The following LAMA1 variants were observed in gnomAD, a reference collection of about 807,000 sequenced individuals.
LAMA1 encodes laminin subunit alpha 1, also known as laminin subunit alpha-1.
Under a neutral mutation model 348.7 loss-of-function variants are expected in LAMA1, and 219 were observed. That is an observed-to-expected ratio of 0.63 (90% CI 0.56 to 0.70). The LOEUF (loss-of-function observed/expected upper bound fraction) is 0.70. LAMA1 is among the 30% of genes least tolerant of loss of function. The probability of loss-of-function intolerance (pLI) is 0.00; values close to 1 mark genes in which losing one functional copy is unlikely to be tolerated. For synonymous variants in LAMA1, 1,487 were observed against 1,491.0 expected, an observed-to-expected ratio of 1.00 and a Z score of 0.06; for missense variants, 3,744 against 3,888.0, an observed-to-expected ratio of 0.96 and a Z score of 0.99.
intron 57 of LAMA1, 43 bp from the exon 58 acceptor site, chr18:6,951,014 C>CT: frequency 6.4e-7 from 1 of 1,572,322 alleles, no homozygotes. Context: ...GAAACTTTTA[C>CT]TTTTCATTTT....
In LAMA1 at chr18:7,040,086, C is replaced by T. The variant is rs759154609; in HGVS notation, c.1412G>A (p.Cys471Tyr). The T allele has an allele frequency of 1.2e-6, 2 of 1,614,114 alleles. No homozygotes were observed. Among genetic ancestry groups the T allele is most frequent in the South Asian group, 2.2e-5 (2 of 91,074 alleles). ...SASDEPCTGP[C>Y]VCKENVEGKA... ...GACCTCCCCACTTACCTTACAAACA[C>T]AGGGCCCTGTGCAGGGCTCATCACT... The change falls in exon 10 of 63, where the codon TGT (cysteine) becomes TAT (tyrosine). Residue 471 changes from cysteine (C) to tyrosine (Y), a missense_variant. Around this residue, in one of 3 missense-constraint regions of LAMA1, gnomAD observed 1,529 missense variants for 1,689.4 expected, o/e 0.91. Coordinates refer to ENST00000389658, the MANE Select transcript of LAMA1 (RefSeq NM_005559.4).
rs1447754087 is a variant in LAMA1 at position 6,948,073 on chromosome 18, C to T, written c.8710+330G>A. ...CAGCTGGTCTAGACATTTTATGCTG[C>T]TGATTTTTAATTCAAAGCCCTTTCT... On this transcript the variant is annotated intron_variant, in intron 60 of 62. Transcript: ENST00000389658. Among the ~76,000 whole-genome samples, 49 of 152,178 alleles carry T rather than the reference C, an allele frequency of 3.2e-4. 1 individual carries two copies. Among genetic ancestry groups the T allele is most frequent in the Admixed American group, 3.1e-3 (48 of 15,268 alleles).
At position 6,997,771 on chromosome 18, in the gene LAMA1, T is replaced by C. The variant is rs758383521; in HGVS notation, c.4777A>G (p.Asn1593Asp). 1.9e-6 allele frequency: 3 copies of C among 1,614,092 alleles called. No individual in the cohort carries two copies. Among genetic ancestry groups the C allele is most frequent in the Non-Finnish European group, 2.5e-6 (3 of 1,179,954 alleles). ...IIPVPYGILS[N>D]LENTTKYLQE... ...AGATATTTAGTTGTATTTTCCAGGT[T>C]TGACAAAATTCCATATGGGACAGGG... The change falls in exon 33 of 63, where the codon AAC (asparagine) becomes GAC (aspartate). Residue 1593 changes from asparagine (N) to aspartate (D), a missense_variant. Physicochemically the swap from Asn to Asp is conservative, Grantham distance 23. This residue lies in a region of LAMA1 where 1,983 missense variants were observed against 1,934.3 expected (regional missense o/e 1.03). Transcript: ENST00000389658.
chr18:6,978,442 G>T, intron 42 of LAMA1, 64 bp from the exon 43 acceptor site: 1 of 1,381,308 alleles, frequency 7.2e-7, no homozygotes, highest in Non-Finnish European at 1.0e-6. Flanking sequence ...AGAATAAAAC[G>T]ACAACAAATG....
chr18:6,959,337 G>A lies in LAMA1; in HGVS notation c.7778+4C>T, dbSNP rs1254378684. The A allele has an allele frequency of 2.5e-6, 4 of 1,614,070 alleles. No homozygotes were observed. Among genetic ancestry groups the A allele is most frequent in the East Asian group, 2.2e-5 (1 of 44,860 alleles). On this transcript the variant is annotated splice_donor_region_variant and intron_variant, in intron 54 of 62. Transcript: ENST00000389658. ...TTACACACTGCCTGGCCGCGTGCAA[G>A]TACCTCCGATTCCTGACCAAGGAGA...
intron 3 of LAMA1, among the ~76,000 whole-genome samples, chr18:7,054,068 G>A (rs1026632066): frequency 6.6e-6 from 1 of 152,072 alleles, no homozygotes; most frequent in Non-Finnish European, 1.5e-5. Context: ...ACCATGCCTG[G>A]CCAGATAATC....
intron 44 of LAMA1, among the ~76,000 whole-genome samples, chr18:6,977,113 C>T (rs1478767498): frequency 6.6e-6 from 1 of 152,216 alleles, no homozygotes; most frequent in African/African-American, 2.4e-5. Flanking sequence ...CACATGACGA[C>T]TGCACATTCT....
chr18:6,946,402 G>C (rs373746974), intron 61 of LAMA1, among the ~76,000 whole-genome samples: 1 of 152,146 alleles, frequency 6.6e-6, no homozygotes, highest in Non-Finnish European at 1.5e-5. Context: ...TATTAAGGGG[G>C]AGCCTTGTAG....
intron 1 of LAMA1, among the ~76,000 whole-genome samples, chr18:7,115,818 A>AAAAAAAAAAAAAT (rs2058353653): frequency 6.9e-6 from 1 of 145,668 alleles, no homozygotes; most frequent in Admixed American, 7.0e-5. Flanking sequence ...AAAATACAAA[A>AAAAAAAAAAAAAT]AAAAAAAAAA....
intron 61 of LAMA1, among the ~76,000 whole-genome samples, chr18:6,946,456 A>G (rs1201763388): frequency 6.6e-6 from 1 of 151,984 alleles, no homozygotes; most frequent in Non-Finnish European, 1.5e-5. Context: ...AAAAATGCAT[A>G]ATGTTTGTAA....
chr18:7,098,924 G>C (rs1485592201), intron 1 of LAMA1, among the ~76,000 whole-genome samples: 2 of 151,896 alleles, frequency 1.3e-5, no homozygotes, highest in East Asian at 3.9e-4. Context: ...CTACTGGGAA[G>C]TGAGGAGCCC....
chr18:6,983,789 G>T (rs981063581), intron 39 of LAMA1, among the ~76,000 whole-genome samples: 2 of 152,158 alleles, frequency 1.3e-5, no homozygotes, highest in Admixed American at 1.3e-4. Context: ...TTAGGAACTT[G>T]GTAACTGGTA....
chr18:7,033,312 C>T (rs937336798), intron 14 of LAMA1, among the ~76,000 whole-genome samples: 4 of 151,918 alleles, frequency 2.6e-5, no homozygotes, highest in Non-Finnish European at 5.9e-5. Context: ...CAAAATTAGC[C>T]GGGCGTGGTG....
intron 3 of LAMA1, among the ~76,000 whole-genome samples, chr18:7,054,391 T>C (rs1598299033): frequency 8.5e-6 from 1 of 117,820 alleles, no homozygotes; most frequent in Non-Finnish European, 2.1e-5. Flanking sequence ...ATCACACCCC[T>C]GTTTTAGTTA....
At chr18:6,942,329 GT>G (rs1199025121) in intron 62 of LAMA1, 90 bp from the exon 63 acceptor site, 20 of 1,400,864 alleles carry the variant, frequency 1.4e-5, no homozygotes, top group East Asian at 2.4e-5. Flanking sequence ...TCTCAAGCGG[GT>G]TTTTTTATTT....
intron 51 of LAMA1, among the ~76,000 whole-genome samples, chr18:6,962,986 C>A (rs1372840356): frequency 6.6e-6 from 1 of 152,152 alleles, no homozygotes; most frequent in Non-Finnish European, 1.5e-5. Context: ...TGAACATCTC[C>A]CAGCTGCACT....
chr18:7,078,155 T>TTTTG (rs1178698204), intron 3 of LAMA1, among the ~76,000 whole-genome samples: 2 of 137,614 alleles, frequency 1.5e-5, no homozygotes, highest in East Asian at 2.3e-4. Context: ...TTTTGTTTTT[T>TTTTG]ATTTTATTTT....
At chr18:6,948,692 T>C in intron 59 of LAMA1, 136 bp from the exon 60 acceptor site, 1 of 928,906 alleles carries the variant, frequency 1.1e-6, no homozygotes, top group Non-Finnish European at 1.6e-6. Flanking sequence ...AAACTTTAAT[T>C]GCCACAATAC....
Position 6,961,983 on chromosome 18 carries a change from T to C in LAMA1, c.7414A>G (p.Arg2472Gly), listed in dbSNP as rs1426367771. The C allele has an allele frequency of 6.2e-7, 1 of 1,614,230 alleles. No individual in the cohort carries two copies. The highest frequency in any genetic ancestry group is 8.5e-7 in the Non-Finnish European group (1 of 1,180,024). ...EISRSTFDLL[R>G]NSYGVRKGCL... Reference sequence around the variant, plus strand: ...CCTTTTCTCACTCCATAGGAATTTCTGAGTAAGTCAAAGGTTGATCTGGAT... The same window carrying C: ...CCTTTTCTCACTCCATAGGAATTTCCGAGTAAGTCAAAGGTTGATCTGGAT... The change falls in exon 52 of 63, where the codon AGA (arginine) becomes GGA (glycine). Residue 2472 changes from arginine to glycine, a missense_variant. Around this residue, in one of 3 missense-constraint regions of LAMA1, gnomAD observed 1,983 missense variants for 1,934.3 expected, o/e 1.03. Coordinates refer to ENST00000389658, the MANE Select transcript of LAMA1 (RefSeq NM_005559.4).
Sources: gnomAD v4.1 joint callset for allele counts (sites outside exome capture counted in the v4.1 genomes callset) on GRCh38, gnomAD v4.1.1 for gene constraint, gnomAD v4.1.1 regional missense constraint, MANE v1.5 for transcripts, NCBI Gene and HGNC (gene_info 2026-07-23, HGNC 2026-07-21) for gene names.